FUT8: variants seen among roughly 807,000 people sequenced by gnomAD.
The protein encoded by FUT8 is fucosyltransferase 8, also known as alpha-(1,6)-fucosyltransferase.
A neutral mutation model predicts 71.3 loss-of-function variants in FUT8; 29 were observed. That is an observed-to-expected ratio of 0.41 (90% confidence interval 0.30 to 0.55). The LOEUF (loss-of-function observed/expected upper bound fraction) is 0.55. Among genes scored for constraint, FUT8 ranks in the 20% least tolerant of loss-of-function variants. FUT8 has a pLI of 0.34. For synonymous variants in FUT8, 254 were observed against 239.3 expected (o/e 1.06, Z -0.57); for missense variants, 544 against 702.1 (o/e 0.77, Z 2.55).
intron 2 of FUT8, among the ~76,000 whole-genome samples, chr14:65,476,711 C>T (rs977791629): frequency 2.8e-5 from 4 of 140,674 alleles, no homozygotes; most frequent in Non-Finnish European, 6.0e-5. Flanking sequence ...GGCTGGAGTA[C>T]AGTGGCGCTA....
chr14:65,742,088 C>A lies in FUT8; in HGVS notation c.1411-5C>A, dbSNP rs1896532367. The A allele has an allele frequency of 1.2e-6, 2 of 1,607,592 alleles. No homozygotes were observed. The highest frequency in any genetic ancestry group is 1.7e-6 in the Non-Finnish European group (2 of 1,175,824). On this transcript the variant is annotated splice_polypyrimidine_tract_variant and splice_region_variant and intron_variant, in intron 10 of 10. Coordinates refer to ENST00000673929, the MANE Select transcript of FUT8 (RefSeq NM_001371533.1). Reference sequence around the variant, plus strand: ...CTAACAATTTCTTTTAAATTCTTTCCCAAGGTCTGTCGAGTTGCTTATGAA... The same window carrying A: ...CTAACAATTTCTTTTAAATTCTTTCACAAGGTCTGTCGAGTTGCTTATGAA...
At chr14:65,692,915 C>T (rs1468888434) in intron 7 of FUT8, among the ~76,000 whole-genome samples, 38 of 151,258 alleles carry the variant, frequency 2.5e-4, no homozygotes, top group South Asian at 1.3e-3. Flanking sequence ...GATGGGCGGC[C>T]GGGCAGAGAC....
chr14:65,541,348 C>T (rs1162282800), intron 2 of FUT8, among the ~76,000 whole-genome samples: 3 of 152,196 alleles, frequency 2.0e-5, no homozygotes, highest in African/African-American at 7.2e-5. Context: ...ATGCCATCTG[C>T]AGGCTGGAGA....
At chr14:65,597,637 A>G (rs1888063435) in intron 3 of FUT8, among the ~76,000 whole-genome samples, 1 of 150,014 alleles carries the variant, frequency 6.7e-6, no homozygotes, top group Non-Finnish European at 1.5e-5. Context: ...AAAAAAAAAC[A>G]TAAATAAAAG....
At position 65,540,257 on chromosome 14, in the gene FUT8, TTTTG is replaced by T. The variant is rs139711203; in HGVS notation, c.-227-21068_-227-21065del. Reference sequence around the variant, plus strand: ...TCCTCTATAGTAATAGAACCCTGATTTTTGTTTGTTTGTTTTAACTGGGTACATG... The same window carrying T: ...TCCTCTATAGTAATAGAACCCTGATTTTTGTTTGTTTTAACTGGGTACATG... On this transcript the variant is annotated intron_variant, in intron 2 of 10. Transcript: ENST00000673929. Among the ~76,000 whole-genome samples, 869 of 152,298 alleles carry T rather than the reference TTTTG, an allele frequency of 5.7e-3. 29 individuals are homozygous for T. In the East Asian group the frequency reaches 0.092, roughly 16 times the overall value.
At chr14:65,469,189 TA>T (rs1190934960) in intron 2 of FUT8, among the ~76,000 whole-genome samples, 15 of 151,522 alleles carry the variant, frequency 9.9e-5, no homozygotes, top group East Asian at 3.8e-4. Context: ...AACATATATA[TA>T]AAAAAAAATT....
chr14:65,452,045 T>A (rs2065835512), intron 1 of FUT8, among the ~76,000 whole-genome samples: 1 of 152,244 alleles, frequency 6.6e-6, no homozygotes, highest in Non-Finnish European at 1.5e-5. Flanking sequence ...CCCCCGTTCC[T>A]GTCAATAATA....
chr14:65,739,920 A>C (rs1180366373), intron 10 of FUT8, among the ~76,000 whole-genome samples: 1 of 152,040 alleles, frequency 6.6e-6, no homozygotes, highest in Non-Finnish European at 1.5e-5. Context: ...ATCTAATTAC[A>C]TTAGATAATG....
chr14:65,419,229 C>T (rs564857647), intron 1 of FUT8, among the ~76,000 whole-genome samples: 1 of 152,078 alleles, frequency 6.6e-6, no homozygotes, highest in Non-Finnish European at 1.5e-5. Flanking sequence ...CATTGCACTC[C>T]AGCCTGGACA....
chr14:65,358,643 T>G, the FUT8 span, among the ~76,000 whole-genome samples: 1 of 151,966 alleles, frequency 6.6e-6, no homozygotes, highest in Non-Finnish European at 1.5e-5. Flanking sequence ...ATGGATGGGG[T>G]TTCTCCGTGT....
intron 7 of FUT8, among the ~76,000 whole-genome samples, chr14:65,677,162 A>G (rs61989820): frequency 0.034 from 933 of 27,224 alleles, 23 homozygotes; most frequent in African/African-American, 0.076. Context: ...GCGCGCGCGC[A>G]TGCGCGCGCA....
At chr14:65,664,840 C>T (rs1365323344) in intron 6 of FUT8, among the ~76,000 whole-genome samples, 5 of 152,120 alleles carry the variant, frequency 3.3e-5, no homozygotes, top group African/African-American at 7.2e-5. Context: ...TGGAATTACC[C>T]GTCCTCTCTC....
At chr14:65,682,187 GTTA>G (rs1893068199) in intron 7 of FUT8, among the ~76,000 whole-genome samples, 1 of 152,180 alleles carries the variant, frequency 6.6e-6, no homozygotes, top group Admixed American at 6.5e-5. Flanking sequence ...GGTTAGTGAT[GTTA>G]TTATAAAGAT....
At chr14:65,579,570 T>C (rs1566832717) in intron 3 of FUT8, among the ~76,000 whole-genome samples, 1 of 152,204 alleles carries the variant, frequency 6.6e-6, no homozygotes. Flanking sequence ...CTGTATTTCA[T>C]GTGGGTCATG....
At chr14:65,665,274 T>G (rs561994924) in intron 6 of FUT8, among the ~76,000 whole-genome samples, 1 of 152,194 alleles carries the variant, frequency 6.6e-6, no homozygotes, top group African/African-American at 2.4e-5. Context: ...AGTTTTTCTT[T>G]TAAGATAATT....
At chr14:65,604,921 G>A (rs1220720492) in intron 3 of FUT8, among the ~76,000 whole-genome samples, 1 of 151,828 alleles carries the variant, frequency 6.6e-6, no homozygotes, top group African/African-American at 2.4e-5. Flanking sequence ...ATGTAAATAA[G>A]TGTGCATGAA....
intron 1 of FUT8, among the ~76,000 whole-genome samples, chr14:65,414,110 G>C (rs2065184067): frequency 6.6e-6 from 1 of 152,290 alleles, no homozygotes; most frequent in Non-Finnish European, 1.5e-5. Flanking sequence ...CACTCAGGAA[G>C]GTGGACCCAG....
chr14:65,610,689 A>G (rs1325346819), intron 3 of FUT8, among the ~76,000 whole-genome samples: 1 of 151,884 alleles, frequency 6.6e-6, no homozygotes, highest in African/African-American at 2.4e-5. Context: ...GCACCCAGCC[A>G]TTTCTGACAC....
At chr14:65,517,549 A>G (rs1425786803) in intron 2 of FUT8, among the ~76,000 whole-genome samples, 1 of 152,210 alleles carries the variant, frequency 6.6e-6, no homozygotes, top group Non-Finnish European at 1.5e-5. Context: ...ACATGGCCAC[A>G]GTCAACATAT....
Sources: gnomAD v4.1 joint callset for allele counts (sites outside exome capture counted in the v4.1 genomes callset) on GRCh38, gnomAD v4.1.1 for gene constraint, MANE v1.5 for transcripts, NCBI Gene and HGNC (gene_info 2026-07-23, HGNC 2026-07-21) for gene names.